Variants in PEX14 observed in about 807,000 individuals in gnomAD.
PEX14 encodes the protein peroxisomal biogenesis factor 14, also known as peroxisomal membrane protein PEX14.
Under a neutral mutation model 49.5 loss-of-function variants are expected in PEX14, and 15 were observed. The observed-to-expected ratio is 0.30, with a 90% CI of 0.20 to 0.47. The LOEUF (loss-of-function observed/expected upper bound fraction) is 0.47. Ranked by LOEUF, PEX14 falls within the 20% of genes least tolerant of loss-of-function variation. The pLI, the probability that PEX14 is intolerant of heterozygous loss-of-function variation, is 1.00. For synonymous variants in PEX14, 210 were observed against 212.7 expected (o/e 0.99, Z 0.11); for missense variants, 398 against 494.8 (o/e 0.80, Z 1.86).
At position 10,630,690 on chromosome 1, in the gene PEX14, A is replaced by G. The variant is rs1178495225; in HGVS notation, c.*703A>G. Reference sequence around the variant, plus strand: ...GAAACACATGTTCATTTGTGTGATCATGTATAGACCTCAGAACGGAAGATA... The same window carrying G: ...GAAACACATGTTCATTTGTGTGATCGTGTATAGACCTCAGAACGGAAGATA... On this transcript the variant is annotated 3_prime_UTR_variant, in exon 9 of 9. Coordinates refer to ENST00000356607, the MANE Select transcript of PEX14 (RefSeq NM_004565.3). The surrounding 1 kb of genome is among the most constrained non-coding windows in gnomAD (Gnocchi z 4.1). 6.5e-6 allele frequency: 1 copy of G among 153,094 alleles called. No homozygotes were observed. Among genetic ancestry groups the G allele is most frequent in the Non-Finnish European group, 1.5e-5 (1 of 68,774 alleles). 9.5% of individuals were successfully genotyped at this position (153,094 alleles called of 1,614,324 possible). A position where few individuals can be genotyped will look rare whatever the true frequency, so the allele number is the denominator to read the frequency against.
chr1:10,572,275 A>G (rs533465838), intron 3 of PEX14, among the ~76,000 whole-genome samples: 7 of 152,350 alleles, frequency 4.6e-5, no homozygotes, highest in African/African-American at 1.4e-4. Context: ...TGCTGGAGTA[A>G]TCATACCCTT....
At chr1:10,489,852 A>G (rs571448375) in intron 1 of PEX14, among the ~76,000 whole-genome samples, 2 of 152,350 alleles carry the variant, frequency 1.3e-5, no homozygotes, top group East Asian at 1.9e-4. Context: ...TTAGGGCCCA[A>G]GTAATTTGTT....
intron 3 of PEX14, among the ~76,000 whole-genome samples, chr1:10,572,224 A>G (rs1194873863): frequency 1.3e-5 from 2 of 152,208 alleles, no homozygotes; most frequent in Non-Finnish European, 2.9e-5. Context: ...ATGTTGATGA[A>G]TAAATAAATT....
At chr1:10,604,607 C>T (rs201742206) in intron 4 of PEX14, among the ~76,000 whole-genome samples, 4 of 151,990 alleles carry the variant, frequency 2.6e-5, no homozygotes, top group East Asian at 1.9e-4. Context: ...CAAGGCCCTG[C>T]CTCTAAAAAA....
intron 2 of PEX14, among the ~76,000 whole-genome samples, chr1:10,526,338 C>G (rs1363498136): frequency 2.6e-5 from 4 of 151,886 alleles, no homozygotes; most frequent in South Asian, 2.1e-4. Context: ...CCTGCCTTAG[C>G]TTCCCAAGTA....
intron 4 of PEX14, among the ~76,000 whole-genome samples, chr1:10,611,917 T>C (rs1380672791): frequency 6.6e-6 from 1 of 152,216 alleles, no homozygotes; most frequent in East Asian, 1.9e-4. Flanking sequence ...TTGGCAGATA[T>C]TTTCTCCCAG....
chr1:10,511,995 T>C (rs1425999703), intron 2 of PEX14, among the ~76,000 whole-genome samples: 1 of 152,204 alleles, frequency 6.6e-6, no homozygotes, highest in African/African-American at 2.4e-5. Context: ...AGTCTTGCTC[T>C]GTCACCCAGG....
chr1:10,479,886 A>G (rs887731473), intron 1 of PEX14, among the ~76,000 whole-genome samples: 18 of 152,102 alleles, frequency 1.2e-4, no homozygotes, highest in African/African-American at 4.3e-4. Context: ...AGTTCCAGCT[A>G]CTCAGGAGAC....
At chr1:10,624,175 G>C (rs1044975284) in intron 6 of PEX14, among the ~76,000 whole-genome samples, 165 bp from the exon 7 acceptor site, 2 of 152,256 alleles carry the variant, frequency 1.3e-5, no homozygotes, top group South Asian at 4.1e-4. Context: ...AGTGCAGGCA[G>C]ATCACCCAGA....
At chr1:10,555,946 C>T (rs1433454402) in intron 3 of PEX14, among the ~76,000 whole-genome samples, 4 of 151,820 alleles carry the variant, frequency 2.6e-5, no homozygotes, top group African/African-American at 4.8e-5. Context: ...GGAAGAAAGC[C>T]GAATGATCCT....
rs1356204080 is a variant in PEX14 at position 10,536,307 on chromosome 1, C to T, written c.169+10C>T. 6.5e-7 allele frequency: 1 copy of T among 1,536,310 alleles called. No homozygotes were observed. ...TTCCTAAAGAAGAAAGGTACAGGTT[C>T]CACAGGGCTGTGCAGCACGGCCTAC... On this transcript the variant is annotated intron_variant, in intron 3 of 8. Coordinates refer to ENST00000356607, the MANE Select transcript of PEX14 (RefSeq NM_004565.3).
At chr1:10,586,582 C>G (rs957045138) in intron 3 of PEX14, among the ~76,000 whole-genome samples, 2 of 144,972 alleles carry the variant, frequency 1.4e-5, no homozygotes, top group African/African-American at 2.5e-5. Flanking sequence ...TGTGTAACAA[C>G]AAGGATGACT....
At chr1:10,485,759 T>G (rs1184454605) in intron 1 of PEX14, among the ~76,000 whole-genome samples, 1 of 129,122 alleles carries the variant, frequency 7.7e-6, no homozygotes, top group Non-Finnish European at 1.5e-5. Context: ...ATTCTAGTAG[T>G]TTTTTTTTTT....
At chr1:10,559,798 C>T in intron 3 of PEX14, among the ~76,000 whole-genome samples, 1 of 152,214 alleles carries the variant, frequency 6.6e-6, no homozygotes, top group Non-Finnish European at 1.5e-5. Context: ...GGCTGCTGCC[C>T]TCACCCTGAG....
At chr1:10,492,037 C>T (rs547571493) in intron 1 of PEX14, among the ~76,000 whole-genome samples, 87 of 152,202 alleles carry the variant, frequency 5.7e-4, no homozygotes, top group African/African-American at 2.0e-3. Context: ...AAGGAACCAG[C>T]GTCAGTGTGG....
In PEX14 at chr1:10,629,377, G is replaced by C. The variant is rs1347408608; in HGVS notation, c.678-154G>C. ...GCTGTAGGATCTTTGCTCCTGAAAG[G>C]AGGGGTGGAAGGGCTCCATCCTGTC... On this transcript the variant is annotated intron_variant, in intron 8 of 8. Coordinates refer to ENST00000356607, the MANE Select transcript of PEX14 (RefSeq NM_004565.3). The surrounding 1 kb of genome is among the most constrained non-coding windows in gnomAD (Gnocchi z 8.5). Among the ~76,000 whole-genome samples the C allele has an allele frequency of 6.6e-6, 1 of 152,238 alleles. No individual in the cohort carries two copies. The highest frequency in any genetic ancestry group is 2.4e-5 in the African/African-American group (1 of 41,468).
intron 3 of PEX14, among the ~76,000 whole-genome samples, chr1:10,568,059 G>A (rs1432180154): frequency 6.6e-6 from 1 of 152,098 alleles, no homozygotes; most frequent in Non-Finnish European, 1.5e-5. Context: ...TACTTATATT[G>A]TTTATGGTAC....
At position 10,630,189 on chromosome 1, in the gene PEX14, C is replaced by A; in HGVS notation, c.*202C>A. 1.4e-6 allele frequency: 1 copy of A among 693,242 alleles called. No homozygotes were observed. Among genetic ancestry groups the A allele is most frequent in the Non-Finnish European group, 2.4e-6 (1 of 425,312 alleles). 42.9% of individuals were successfully genotyped at this position (693,242 alleles called of 1,614,324 possible). ...GGCCTCCTCTCGCCTGGCCGCCAGCCCCAGCCCCAGCCCCAGCCCCAGGCC... is the reference window on the plus strand; with the variant it reads ...GGCCTCCTCTCGCCTGGCCGCCAGCACCAGCCCCAGCCCCAGCCCCAGGCC... On this transcript the variant is annotated 3_prime_UTR_variant, in exon 9 of 9. Coordinates refer to ENST00000356607, the MANE Select transcript of PEX14 (RefSeq NM_004565.3). This position sits in a 1 kb window ranked among gnomAD's most constrained non-coding sequence, Gnocchi z 4.1.
At chr1:10,492,053 CT>C (rs1436760948) in intron 1 of PEX14, among the ~76,000 whole-genome samples, 1 of 152,102 alleles carries the variant, frequency 6.6e-6, no homozygotes, top group African/African-American at 2.4e-5. Flanking sequence ...TGTGGGTCCC[CT>C]AGGGTTGGAA....
Sources: allele counts gnomAD v4.1 joint callset (sites outside exome capture counted in the v4.1 genomes callset), GRCh38; gene constraint gnomAD v4.1.1; non-coding constraint Gnocchi (gnomAD v3.1); transcripts MANE v1.5; gene names NCBI Gene and HGNC (gene_info 2026-07-23, HGNC 2026-07-21).